Variants in DACH1 observed in about 807,000 individuals in gnomAD.
DACH1 encodes dachshund homolog 1.
Under a neutral mutation model 54.2 loss-of-function variants are expected in DACH1, and 12 were observed. The observed-to-expected ratio is 0.22, with a 90% CI of 0.14 to 0.36. The LOEUF (loss-of-function observed/expected upper bound fraction) is 0.36. Among genes scored for constraint, DACH1 ranks in the 10% least tolerant of loss-of-function variants. The pLI is 1.00. For synonymous variants in DACH1, 386 were observed against 366.2 expected (o/e 1.05, Z -0.62); for missense variants, 805 against 929.8 (o/e 0.87, Z 1.75).
intron 1 of DACH1, among the ~76,000 whole-genome samples, chr13:71,722,286 C>T (rs76115590): frequency 3.4e-4 from 51 of 152,224 alleles, no homozygotes; most frequent in African/African-American, 1.2e-3. Flanking sequence ...AGATTTTCTA[C>T]CTTTTGAGAG....
chr13:71,738,889 A>G (rs1884262473), intron 1 of DACH1, among the ~76,000 whole-genome samples: 1 of 152,010 alleles, frequency 6.6e-6, no homozygotes, highest in South Asian at 2.1e-4. Flanking sequence ...ATAAATTTTT[A>G]TGGAAGACAA....
intron 4 of DACH1, among the ~76,000 whole-genome samples, chr13:71,560,172 C>T (rs900946502): frequency 2.6e-5 from 4 of 151,954 alleles, no homozygotes; most frequent in African/African-American, 9.7e-5. Context: ...TACAGGTAAG[C>T]GTGACTGCAG....
At chr13:71,498,094 G>A (rs1249608870) in intron 6 of DACH1, among the ~76,000 whole-genome samples, 1 of 152,084 alleles carries the variant, frequency 6.6e-6, no homozygotes, top group African/African-American at 2.4e-5. Context: ...CAGAATGTTG[G>A]AGGTTTGCTA....
At chr13:71,629,685 C>T (rs1018140433) in intron 3 of DACH1, among the ~76,000 whole-genome samples, 4 of 151,990 alleles carry the variant, frequency 2.6e-5, no homozygotes, top group African/African-American at 7.2e-5. Flanking sequence ...AACTGAATGG[C>T]CGTGAGTTAT....
At chr13:71,597,693 A>G (rs532877268) in intron 3 of DACH1, among the ~76,000 whole-genome samples, 261 of 152,298 alleles carry the variant, frequency 1.7e-3, no homozygotes, top group Non-Finnish European at 2.9e-3. Flanking sequence ...AGGTCAAAAG[A>G]TGATCATCAC....
At chr13:71,768,397 A>G (rs1435978722) in intron 1 of DACH1, among the ~76,000 whole-genome samples, 1 of 152,014 alleles carries the variant, frequency 6.6e-6, no homozygotes, top group African/African-American at 2.4e-5. Context: ...ATGAAAGTTC[A>G]TGCTTTATTC....
chr13:71,495,242 T>G (rs2138217469), intron 6 of DACH1, among the ~76,000 whole-genome samples: 1 of 152,272 alleles, frequency 6.6e-6, no homozygotes, highest in South Asian at 2.1e-4. Context: ...CCATGTTTAA[T>G]GTTTAAAACA....
intron 2 of DACH1, among the ~76,000 whole-genome samples, chr13:71,653,687 G>A (rs1276028187): frequency 6.6e-6 from 1 of 151,918 alleles, no homozygotes; most frequent in Admixed American, 6.6e-5. Flanking sequence ...ATATAAACTT[G>A]GTATTTATCT....
At chr13:71,531,501 A>G (rs557315010) in intron 6 of DACH1, among the ~76,000 whole-genome samples, 14 of 152,092 alleles carry the variant, frequency 9.2e-5, no homozygotes, top group Non-Finnish European at 1.6e-4. Context: ...CTGAAACTTT[A>G]TAATCTCATA....
chr13:71,473,582 T>C (rs1485301574), intron 10 of DACH1, among the ~76,000 whole-genome samples: 1 of 152,156 alleles, frequency 6.6e-6, no homozygotes, highest in Non-Finnish European at 1.5e-5. Context: ...CAACATGTTG[T>C]TATGGGTGGC....
chr13:71,477,277 C>T (rs997535636), intron 8 of DACH1, among the ~76,000 whole-genome samples: 2 of 150,902 alleles, frequency 1.3e-5, no homozygotes, highest in African/African-American at 4.9e-5. Flanking sequence ...CCTGCCACCA[C>T]GCCCGGCTAA....
chr13:71,828,864 G>A (rs1474068597), intron 1 of DACH1, among the ~76,000 whole-genome samples: 1 of 151,660 alleles, frequency 6.6e-6, no homozygotes, highest in African/African-American at 2.4e-5. Context: ...CATCACTACG[G>A]CTGTTGCCTT....
chr13:71,525,273 AG>A (rs1881877700), intron 6 of DACH1, among the ~76,000 whole-genome samples: 1 of 152,128 alleles, frequency 6.6e-6, no homozygotes, highest in African/African-American at 2.4e-5. Flanking sequence ...CAGCTGTATG[AG>A]GGAAGCTTCA....
chr13:71,486,455 A>G (rs1320808428), intron 7 of DACH1, among the ~76,000 whole-genome samples: 2 of 152,168 alleles, frequency 1.3e-5, no homozygotes, highest in Non-Finnish European at 2.9e-5. Flanking sequence ...ATGACTGTTT[A>G]AACATTCCAT....
intron 1 of DACH1, among the ~76,000 whole-genome samples, chr13:71,781,346 TTTTA>T (rs58100916): frequency 0.24 from 32,633 of 137,008 alleles, 4,188 homozygotes; most frequent in Middle Eastern, 0.38. Context: ...TCTTTTTTAT[TTTTA>T]TTTATTTATT....
intron 1 of DACH1, among the ~76,000 whole-genome samples, chr13:71,864,762 G>T (rs1874603768): frequency 7.0e-6 from 1 of 142,488 alleles, no homozygotes; most frequent in Admixed American, 7.3e-5. Flanking sequence ...CCTCTTGGTA[G>T]ATCCTCCCCC....
intron 1 of DACH1, among the ~76,000 whole-genome samples, chr13:71,687,436 T>G (rs1386250165): frequency 6.6e-6 from 1 of 151,814 alleles, no homozygotes; most frequent in Admixed American, 6.6e-5. Context: ...TCAGAGCACA[T>G]GAGACAGAAA....
At chr13:71,472,962 T>A (rs1327904488) in intron 10 of DACH1, among the ~76,000 whole-genome samples, 1 of 152,220 alleles carries the variant, frequency 6.6e-6, no homozygotes. Flanking sequence ...CTAATAAAGC[T>A]TATTGAATAG....
intron 3 of DACH1, among the ~76,000 whole-genome samples, chr13:71,599,480 C>T (rs1044633308): frequency 2.6e-5 from 4 of 152,080 alleles, no homozygotes; most frequent in Non-Finnish European, 5.9e-5. Flanking sequence ...AGTTTTGTAT[C>T]TAATTTACTT....
Sources: gnomAD v4.1 joint callset for allele counts (sites outside exome capture counted in the v4.1 genomes callset) on GRCh38, gnomAD v4.1.1 for gene constraint, MANE v1.5 for transcripts, NCBI Gene and HGNC (gene_info 2026-07-23, HGNC 2026-07-21) for gene names.